The following MAX variants were observed in gnomAD, a reference collection of about 807,000 sequenced individuals.
The protein encoded by MAX is protein max.
Under a neutral mutation model 22.3 loss-of-function variants are expected in MAX, and 3 were observed. That is an observed-to-expected ratio of 0.13 (90% CI 0.06 to 0.35). The LOEUF (loss-of-function observed/expected upper bound fraction) is 0.35, where lower values mean the gene tolerates loss of function less well. MAX is among the 10% of genes least tolerant of loss of function. The pLI, the probability that MAX is intolerant of heterozygous loss-of-function variation, is 1.00. For missense variants in MAX, 119 were observed against 209.4 expected, an observed-to-expected ratio of 0.57 and a Z score of 2.66; for synonymous variants, 72 against 77.7, an observed-to-expected ratio of 0.93 and a Z score of 0.39.
At chr14:65,101,678 G>C (rs1360400598) in intron 1 of MAX, 106 bp from the exon 2 acceptor site, 2 of 867,936 alleles carry the variant, frequency 2.3e-6, no homozygotes, top group Admixed American at 4.3e-5. Context: ...GCGGAGGGTG[G>C]GGAGTCAGCC....
At chr14:65,033,377 A>G (rs772956974) in intron 3 of MAX, among the ~76,000 whole-genome samples, 6 of 152,264 alleles carry the variant, frequency 3.9e-5, no homozygotes, top group East Asian at 1.9e-4. Flanking sequence ...CAAATTTAGC[A>G]TAGTGATTCC....
intron 3 of MAX, among the ~76,000 whole-genome samples, chr14:65,017,616 A>G (rs936298406): frequency 1.3e-5 from 2 of 152,324 alleles, no homozygotes; most frequent in South Asian, 4.1e-4. Flanking sequence ...ATTGGAAGCA[A>G]TCTAAATTAA....
chr14:65,051,943 C>A (rs562457158), intron 3 of MAX, among the ~76,000 whole-genome samples: 1 of 151,812 alleles, frequency 6.6e-6, no homozygotes, highest in Non-Finnish European at 1.5e-5. Context: ...TACAGGCGCC[C>A]ACCACCATGT....
In MAX at chr14:65,032,805, A is replaced by C; in HGVS notation, c.172-26521T>G. ...GGACTTGGAAGGAAATACAAAAATC[A>C]CAGGAGATCCATTAGGGTTATCTAA... On this transcript the variant is annotated intron_variant, in intron 3 of 3. Transcript: ENST00000341653. The surrounding 1 kb of genome is among the most constrained non-coding windows in gnomAD (Gnocchi z 5.0). 1 of 1,044,066 alleles carries C rather than the reference A, an allele frequency of 9.6e-7. No homozygotes were observed. Among genetic ancestry groups the C allele is most frequent in the Non-Finnish European group, 1.3e-6 (1 of 741,268 alleles). 64.7% of individuals were successfully genotyped at this position (1,044,066 alleles called of 1,614,324 possible). A position where few individuals can be genotyped will look rare whatever the true frequency, so the allele number is the denominator to read the frequency against.
At chr14:65,037,379 A>G (rs1210232732) in intron 3 of MAX, among the ~76,000 whole-genome samples, 1 of 112,932 alleles carries the variant, frequency 8.9e-6, no homozygotes, top group African/African-American at 3.4e-5. Context: ...CTGAGATTAT[A>G]GGCGTGAGCC....
chr14:65,017,847 C>T (rs1055997594), intron 3 of MAX, among the ~76,000 whole-genome samples: 8 of 151,826 alleles, frequency 5.3e-5, no homozygotes, highest in South Asian at 2.1e-4. Flanking sequence ...CCCAGCTACT[C>T]GGGAGGCTGA....
At chr14:65,061,550 G>A (rs2062865743) in intron 3 of MAX, 1 of 553,594 alleles carries the variant, frequency 1.8e-6, no homozygotes, top group Non-Finnish European at 3.0e-6. Context: ...CACGTGGTGT[G>A]GTTGGTGAAC....
rs2063085447 is a variant in MAX, at chr14:65,077,312, T to C, written c.295+601A>G. The C allele has an allele frequency of 6.9e-6, 10 of 1,447,682 alleles. No individual in the cohort carries two copies. Among genetic ancestry groups the C allele is most frequent in the Non-Finnish European group, 9.7e-6 (10 of 1,031,528 alleles). 89.7% of individuals were successfully genotyped at this position (1,447,682 alleles called of 1,614,324 possible). A position where few individuals can be genotyped will look rare whatever the true frequency, so the allele number is the denominator to read the frequency against. ...ATTTAATTTATTTTATTTTATTTTA[T>C]TTGAGGTTTTCTAACCCAGGTGGTT... On this transcript the variant is annotated intron_variant, in intron 4 of 4. Coordinates refer to ENST00000358664, the MANE Select transcript of MAX (RefSeq NM_002382.5). This position sits in a 1 kb window ranked among gnomAD's most constrained non-coding sequence, Gnocchi z 6.3.
At position 65,037,427 on chromosome 14, in the gene MAX, T is replaced by C. The variant is rs1276273144; in HGVS notation, c.172-31143A>G. On this transcript the variant is annotated intron_variant, in intron 3 of 3. Coordinates refer to the MAX transcript ENST00000341653. The stretch of plus-strand genomic sequence containing the variant: ...CCTTTTTTTTTTTTTTTTTTTTTTT[T>C]TTTTTTTTTTTTTTTTTTTGAGACG... Among the ~76,000 whole-genome samples the C allele has an allele frequency of 1.8e-4, 21 of 115,842 alleles. 1 individual carries two copies. Among genetic ancestry groups the C allele is most frequent in the Non-Finnish European group, 2.8e-4 (16 of 57,458 alleles). 76.0% of individuals were successfully genotyped at this position (115,842 alleles called of 152,430 possible).
intron 2 of MAX, chr14:65,094,049 C>G: frequency 1.8e-6 from 1 of 554,328 alleles, no homozygotes; most frequent in South Asian, 2.0e-5. Flanking sequence ...ATGCATCCAG[C>G]TCATGCATAA....
Position 65,035,603 on chromosome 14 carries a change from C to T in MAX, c.172-29319G>A, listed in dbSNP as rs114131946. ...GGAGTGTAGTGGTGTGATCACAGCT[C>T]GCTGCAGCCACCACCTCCTGGGCTC... is the stretch of plus-strand genomic sequence containing the variant. On this transcript the variant is annotated intron_variant, in intron 3 of 3. Coordinates refer to the MAX transcript ENST00000341653. 4.3e-3 allele frequency among the ~76,000 whole-genome samples: 659 copies of T among 152,140 alleles called. 3 individuals are homozygous for T. The highest frequency in any genetic ancestry group is 0.014 in the African/African-American group (598 of 41,478).
Position 65,078,263 on chromosome 14 carries a change from G to A in MAX, c.172-227C>T, listed in dbSNP as rs1046898928. Among the ~76,000 whole-genome samples, 11 of 152,210 alleles carry A rather than the reference G, an allele frequency of 7.2e-5. No homozygotes were observed. The highest frequency in any genetic ancestry group is 5.9e-4 in the Admixed American group (9 of 15,288). On this transcript the variant is annotated intron_variant, in intron 3 of 4. Transcript: ENST00000358664. The surrounding 1 kb of genome is among the most constrained non-coding windows in gnomAD (Gnocchi z 6.4). ...GTTGCCCAAGCTGGAGTGCAACAGC[G>A]TGATCTTGGCTGACAGCAACCTCCG...
At chr14:65,037,469 G>C (rs1229609331) in intron 3 of MAX, among the ~76,000 whole-genome samples, 1 of 77,798 alleles carries the variant, frequency 1.3e-5, no homozygotes, top group East Asian at 3.7e-4. Flanking sequence ...TTTGTTTTAT[G>C]TGTCTCCCAG....
rs564224822 is a variant in MAX, at chr14:65,078,231, C to T, written c.172-195G>A. On this transcript the variant is annotated intron_variant, in intron 3 of 4. Coordinates refer to ENST00000358664, the MANE Select transcript of MAX (RefSeq NM_002382.5). The surrounding 1 kb of genome is among the most constrained non-coding windows in gnomAD (Gnocchi z 6.4). ...TTTTTATTTTTTTGAGACAGAGTTT[C>T]GCTCTTGTTGCCCAAGCTGGAGTGC... 1.1e-4 allele frequency among the ~76,000 whole-genome samples: 16 copies of T among 152,154 alleles called. No individual in the cohort carries two copies. Among genetic ancestry groups the T allele is most frequent in the Admixed American group, 7.9e-4 (12 of 15,282 alleles).
At chr14:65,037,759 T>C (rs1473711516) in intron 3 of MAX, among the ~76,000 whole-genome samples, 1 of 138,286 alleles carries the variant, frequency 7.2e-6, no homozygotes, top group Admixed American at 7.3e-5. Context: ...TTTATTTATT[T>C]ATTTATTTAT....
chr14:65,058,129 G>C (rs1021873285), intron 3 of MAX, among the ~76,000 whole-genome samples: 23 of 149,414 alleles, frequency 1.5e-4, no homozygotes, highest in Non-Finnish European at 4.5e-5. Context: ...TTTTCTTCCT[G>C]TCTTCCCAGG....
Position 65,027,632 on chromosome 14 carries a change from G to T in MAX, c.172-21348C>A. 1 of 1,614,102 alleles carries T rather than the reference G, an allele frequency of 6.2e-7. No individual in the cohort carries two copies. The highest frequency in any genetic ancestry group is 8.5e-7 in the Non-Finnish European group (1 of 1,179,962). The stretch of plus-strand genomic sequence containing the variant: ...GAAAGCCAGCAGTGACAGAAACCTA[G>T]AGGAGTTCCCCGCCTGCTGACACGC... On this transcript the variant is annotated intron_variant, in intron 3 of 3. Coordinates refer to the MAX transcript ENST00000341653. The surrounding 1 kb of genome is among the most constrained non-coding windows in gnomAD (Gnocchi z 5.7).
At chr14:65,060,697 CA>C (rs59036615) in intron 3 of MAX, among the ~76,000 whole-genome samples, 6,720 of 48,588 alleles carry the variant, frequency 0.14, 694 homozygotes, top group East Asian at 0.46. Flanking sequence ...GACTCCGTCT[CA>C]AAAAAAAAAA....
chr14:65,032,529 G>T lies in MAX; in HGVS notation c.172-26245C>A. 6.6e-7 allele frequency: 1 copy of T among 1,512,524 alleles called. No individual in the cohort carries two copies. The highest frequency in any genetic ancestry group is 2.4e-5 in the East Asian group (1 of 42,198). 93.7% of individuals were successfully genotyped at this position (1,512,524 alleles called of 1,614,324 possible). On this transcript the variant is annotated intron_variant, in intron 3 of 3. Coordinates refer to the MAX transcript ENST00000341653. The surrounding 1 kb of genome is among the most constrained non-coding windows in gnomAD (Gnocchi z 5.0). ...GTGATTACAGCTTACTAGGCAAGGC[G>T]AGCAGTCCGCCCGCGGAGTTCACTG...
Sources: allele counts gnomAD v4.1 joint callset (sites outside exome capture counted in the v4.1 genomes callset), GRCh38; gene constraint gnomAD v4.1.1; non-coding constraint Gnocchi (gnomAD v3.1); transcripts MANE v1.5; gene names NCBI Gene and HGNC (gene_info 2026-07-23, HGNC 2026-07-21).